Variants in TRNAU1AP observed in about 807,000 individuals in gnomAD.
The protein encoded by TRNAU1AP is tRNA selenocysteine 1-associated protein 1.
In TRNAU1AP, 33 loss-of-function variants were observed where a neutral mutation model predicts 43.3. That is an observed-to-expected ratio of 0.76 (90% confidence interval 0.58 to 1.02). The LOEUF (loss-of-function observed/expected upper bound fraction) is 1.02, where lower values mean the gene tolerates loss of function less well. Among genes scored for constraint, TRNAU1AP ranks in the 50% least tolerant of loss-of-function variants. The probability of loss-of-function intolerance (pLI) is 0.00; values close to 1 mark genes in which losing one functional copy is unlikely to be tolerated. For missense variants in TRNAU1AP, 290 were observed against 362.7 expected, an observed-to-expected ratio of 0.80 and a Z score of 1.63; for synonymous variants, 143 against 129.1, an observed-to-expected ratio of 1.11 and a Z score of -0.73.
intron 6 of TRNAU1AP, 107 bp downstream of exon 6, chr1:28,567,520 G>C: frequency 7.4e-7 from 1 of 1,342,642 alleles, no homozygotes; most frequent in Non-Finnish European, 1.0e-6. Context: ...GGCTGAAGGG[G>C]ATCCAATTCA....
intron 8 of TRNAU1AP, among the ~76,000 whole-genome samples, chr1:28,572,916 CAG>C (rs1020527610): frequency 6.7e-6 from 1 of 150,230 alleles, no homozygotes. Flanking sequence ...GCCTGGGAGA[CAG>C]AGCGAGACTC....
At chr1:28,561,521 C>A in intron 4 of TRNAU1AP, 123 bp downstream of exon 4, 3 of 1,091,940 alleles carry the variant, frequency 2.7e-6, no homozygotes, top group Non-Finnish European at 4.1e-6. Flanking sequence ...CGCTCTTCTC[C>A]CTTCCTTGCT....
Position 28,571,228 on chromosome 1 carries a change from C to T in TRNAU1AP, c.583C>T (p.Gln195Ter). The T allele has an allele frequency of 6.2e-7, 1 of 1,614,006 alleles. No individual in the cohort carries two copies. Among genetic ancestry groups the T allele is most frequent in the Non-Finnish European group, 8.5e-7 (1 of 1,179,932 alleles). ...YSQMYSYSYN[Q>*]YYQQYQNYYA... ...TCAGATGTACAGTTATAGCTACAAC[C>T]AGTATTATCAGCAGTACCAGAACTA... Residue 195 changes from glutamine (Q) to a stop codon, truncating the protein, a stop_gained, in exon 7 of 9, where the codon CAG (glutamine) becomes TAG (stop). Coordinates refer to ENST00000373830, the MANE Select transcript of TRNAU1AP (RefSeq NM_017846.5). LOFTEE classifies it high-confidence loss of function.
At chr1:28,565,968 G>A (rs191956022) in intron 5 of TRNAU1AP, among the ~76,000 whole-genome samples, 1 of 152,240 alleles carries the variant, frequency 6.6e-6, no homozygotes, top group African/African-American at 2.4e-5. Flanking sequence ...TTCAGTAAAT[G>A]TGGATACCAC....
At chr1:28,566,635 T>A (rs937193752) in intron 5 of TRNAU1AP, among the ~76,000 whole-genome samples, 5 of 151,854 alleles carry the variant, frequency 3.3e-5, no homozygotes, top group Non-Finnish European at 7.4e-5. Context: ...GGTGGGTGCC[T>A]GTAGTCCCAG....
Position 28,574,021 on chromosome 1 carries a change from A to G in TRNAU1AP, c.727+2121A>G, listed in dbSNP as rs371997690. ...TTGGAAGGCCAACGTGGGTTGGAGGATGGCTTGAGCCTAGAACTTTGAGAC... is the reference window on the plus strand; with the variant it reads ...TTGGAAGGCCAACGTGGGTTGGAGGGTGGCTTGAGCCTAGAACTTTGAGAC... On this transcript the variant is annotated intron_variant, in intron 8 of 8. Transcript: ENST00000373830. Among the ~76,000 whole-genome samples the G allele has an allele frequency of 5.4e-5, 8 of 148,586 alleles. No homozygotes were observed. In the East Asian group the frequency reaches 7.9e-4, roughly 15 times the overall value.
Position 28,577,957 on chromosome 1 carries a change from C to G in TRNAU1AP, c.*321C>G, listed in dbSNP as rs1391383575. ...TAATTCACACACTAAAGCCTGAGTT[C>G]AAGGTTTCTCAGTTGACAGGTAGGT... On this transcript the variant is annotated 3_prime_UTR_variant, in exon 9 of 9. Coordinates refer to ENST00000373830, the MANE Select transcript of TRNAU1AP (RefSeq NM_017846.5). 1.0e-5 allele frequency: 2 copies of G among 196,338 alleles called. No homozygotes were observed. Among genetic ancestry groups the G allele is most frequent in the Admixed American group, 1.2e-4 (2 of 17,154 alleles). The allele number at this position is 196,338 out of a possible 1,614,324, so 12.2% of individuals were successfully genotyped here.
chr1:28,570,550 TTTTTG>T (rs1665642621), intron 6 of TRNAU1AP, among the ~76,000 whole-genome samples: 1 of 150,458 alleles, frequency 6.6e-6, no homozygotes, highest in South Asian at 2.1e-4. Flanking sequence ...ACCCAGCCCT[TTTTTG>T]TTTTGTTTTT....
At chr1:28,571,788 A>AAAAAAAAAAT in intron 7 of TRNAU1AP, 79 bp from the exon 8 acceptor site, 1 of 1,253,044 alleles carries the variant, frequency 8.0e-7, no homozygotes, top group Non-Finnish European at 1.2e-6. Flanking sequence ...ACCTCAAAAA[A>AAAAAAAAAAT]AATAAAAAAT....
intron 4 of TRNAU1AP, among the ~76,000 whole-genome samples, chr1:28,561,843 C>T (rs962390922): frequency 1.1e-4 from 17 of 152,092 alleles, no homozygotes; most frequent in Admixed American, 3.3e-4. Flanking sequence ...GAGGCCAAGG[C>T]GGGCGGATCA....
chr1:28,565,862 A>G (rs1557435289), intron 5 of TRNAU1AP: 1 of 152,194 alleles, frequency 6.6e-6, no homozygotes. Context: ...TGGTAGTTAT[A>G]TGCTCAGGCT....
intron 5 of TRNAU1AP, 88 bp downstream of exon 5, chr1:28,564,922 A>C (rs964938950): frequency 9.7e-6 from 15 of 1,541,492 alleles, no homozygotes; most frequent in Non-Finnish European, 1.2e-5. Context: ...GCCCTGCAGC[A>C]TGGCGATTAA....
intron 2 of TRNAU1AP, among the ~76,000 whole-genome samples, chr1:28,555,827 T>C (rs1377638497): frequency 6.6e-6 from 1 of 151,788 alleles, no homozygotes; most frequent in African/African-American, 2.4e-5. Context: ...GGTATGAAAA[T>C]TCATTCTGTA....
intron 2 of TRNAU1AP, chr1:28,554,105 T>G: frequency 6.0e-6 from 1 of 166,482 alleles, no homozygotes; most frequent in South Asian, 1.4e-4. Context: ...GGCTGAGGCA[T>G]GAGAATCACT....
At chr1:28,577,325 C>T (rs1057315140) in intron 8 of TRNAU1AP, among the ~76,000 whole-genome samples, 175 bp from the exon 9 acceptor site, 1 of 152,164 alleles carries the variant, frequency 6.6e-6, no homozygotes, top group Non-Finnish European at 1.5e-5. Flanking sequence ...TCTCTAGATA[C>T]ATTATTCTAT....
At chr1:28,561,949 G>A (rs1435999582) in intron 4 of TRNAU1AP, among the ~76,000 whole-genome samples, 4 of 151,876 alleles carry the variant, frequency 2.6e-5, no homozygotes, top group East Asian at 1.9e-4. Flanking sequence ...GCAGGCGCCT[G>A]TAGTCCCAGC....
At chr1:28,567,001 GCTC>G (rs1665556547) in intron 5 of TRNAU1AP, among the ~76,000 whole-genome samples, 1 of 152,240 alleles carries the variant, frequency 6.6e-6, no homozygotes, top group South Asian at 2.1e-4. Context: ...TGTCGGGGAA[GCTC>G]CTATTTGGGA....
In TRNAU1AP at chr1:28,564,708, A is replaced by AGTGTTCTCTCTCCTCAGCCCTGT; in HGVS notation, c.286_287insGTTCTCTCTCCTCAGCCCTGTGT (p.Tyr96CysfsTer16). ...TTCTTGTTCTCTCTCCTCAGCCCTG[A>AGTGTTCTCTCTCCTCAGCCCTGT]GTATTCCCTCTTTGTGGGGGACCTG... On this transcript the variant is annotated frameshift_variant, in exon 5 of 9. Coordinates refer to ENST00000373830, the MANE Select transcript of TRNAU1AP (RefSeq NM_017846.5). LOFTEE classifies it high-confidence loss of function. 1 of 1,613,756 alleles carries AGTGTTCTCTCTCCTCAGCCCTGT rather than the reference A, an allele frequency of 6.2e-7. No individual in the cohort carries two copies. Among genetic ancestry groups the AGTGTTCTCTCTCCTCAGCCCTGT allele is most frequent in the Non-Finnish European group, 8.5e-7 (1 of 1,179,876 alleles).
rs1398870452 is a variant in TRNAU1AP at position 28,578,069 on chromosome 1, GGCACTCTA to G, written c.*437_*444del. 6.2e-6 allele frequency: 1 copy of G among 161,812 alleles called. No homozygotes were observed. Among genetic ancestry groups the G allele is most frequent in the Non-Finnish European group, 1.3e-5 (1 of 74,228 alleles). The allele number at this position is 161,812 out of a possible 1,614,324, so 10.0% of individuals were successfully genotyped here. On this transcript the variant is annotated 3_prime_UTR_variant, in exon 9 of 9. Transcript: ENST00000373830. ...GCAAGTCTGGCAGCTAGGTAGAAAA[GGCACTCTA>G]GCAGGTGTGGTAGGAGCACGCCCCA...
Sources: gnomAD v4.1 joint callset for allele counts (sites outside exome capture counted in the v4.1 genomes callset) on GRCh38, gnomAD v4.1.1 for gene constraint, MANE v1.5 for transcripts, NCBI Gene and HGNC (gene_info 2026-07-23, HGNC 2026-07-21) for gene names.